SRCAP: variants seen among roughly 807,000 people sequenced by gnomAD.
SRCAP encodes chromatin remodeling protein SRCAP.
A neutral mutation model predicts 263.1 loss-of-function variants in SRCAP; 46 were observed. The ratio of observed to expected loss-of-function variants is 0.17; its 90% CI spans 0.14 to 0.22. SRCAP has a LOEUF of 0.22. Ranked by LOEUF, SRCAP falls within the 10% of genes least tolerant of loss-of-function variation. The pLI is 1.00. For synonymous variants in SRCAP, 1,813 were observed against 1,662.1 expected (o/e 1.09, Z -2.21); for missense variants, 3,695 against 4,181.9 (o/e 0.88, Z 3.21).
In SRCAP at chr16:30,721,273, C is replaced by T; in HGVS notation, c.3338C>T (p.Pro1113Leu). Residue 1113 changes from proline (P) to leucine (L), a missense_variant, in exon 21 of 34, where the codon CCA (proline) becomes CTA (leucine). By Grantham distance (98) the Pro-to-Leu change is moderately conservative (BLOSUM62 -3). Coordinates refer to ENST00000262518, the MANE Select transcript of SRCAP (RefSeq NM_006662.3). ...TLSLKPTPPA[P>L]VRLSPAPPPG... ...TCCCTAAAGCCAACACCACCTGCCC[C>T]AGTTCGCCTGAGCCCAGCCCCACCT... The T allele has an allele frequency of 6.2e-7, 1 of 1,614,198 alleles. No homozygotes were observed. Among genetic ancestry groups the T allele is most frequent in the Non-Finnish European group, 8.5e-7 (1 of 1,180,032 alleles).
Position 30,723,605 on chromosome 16 carries a change from C to T in SRCAP, c.4181C>T (p.Pro1394Leu), listed in dbSNP as rs1189596955. 1.9e-6 allele frequency: 3 copies of T among 1,613,416 alleles called. No individual in the cohort carries two copies. The highest frequency in any genetic ancestry group is 1.3e-5 in the African/African-American group (1 of 74,844). Residue 1394 changes from proline (P) to leucine (L), a missense_variant, in exon 25 of 34, where the codon CCC (proline) becomes CTC (leucine). Physicochemically the swap from Pro to Leu is moderately conservative, Grantham distance 98 (BLOSUM62 -3). Around this residue, in one of 12 missense-constraint regions of SRCAP, gnomAD observed 1,347 missense variants for 1,304.4 expected, o/e 1.03. Coordinates refer to ENST00000262518, the MANE Select transcript of SRCAP (RefSeq NM_006662.3). The stretch of plus-strand genomic sequence containing the variant: ...ACAGCTTCAGCCCCCGGAGCTGCCC[C>T]CTTGACCATCTCTTCTCCTCTCCAC... ...EVSASAPGAA[P>L]LTISSPLHVP...
intron 18 of SRCAP, among the ~76,000 whole-genome samples, chr16:30,716,701 G>A (rs2052954637): frequency 6.6e-6 from 1 of 152,092 alleles, no homozygotes; most frequent in Non-Finnish European, 1.5e-5. Context: ...CGTAAATTGA[G>A]GAGCATCTGG....
chr16:30,722,224 A>G lies in SRCAP; in HGVS notation c.3644A>G (p.Lys1215Arg). The change falls in exon 22 of 34, where the codon AAG becomes AGG. Residue 1215 changes from lysine (K) to arginine (R), a missense_variant. Lys to Arg is a conservative substitution (Grantham distance 26). Around this residue, in one of 12 missense-constraint regions of SRCAP, gnomAD observed 1,347 missense variants for 1,304.4 expected, o/e 1.03. Coordinates refer to ENST00000262518, the MANE Select transcript of SRCAP (RefSeq NM_006662.3). ...CTCACCTTCCAAATCCAGGGCAACA[A>G]GCTGACTTTGACTGGTGCCCAGGTG... is the stretch of plus-strand genomic sequence containing the variant. The part of the protein sequence containing the change: ...KPLTFQIQGN[K>R]LTLTGAQVRQ... 4 of 1,614,228 alleles carry G rather than the reference A, an allele frequency of 2.5e-6. No homozygotes were observed. The Middle Eastern group carries it at 5.0e-4, about 200-fold the overall frequency.
intron 19 of SRCAP, 48 bp downstream of exon 19, chr16:30,720,379 A>C: frequency 6.3e-7 from 1 of 1,584,140 alleles, no homozygotes; most frequent in Admixed American, 1.7e-5. Context: ...TAAGTGGCTG[A>C]AAGCTGCCCA....
chr16:30,713,493 C>T (rs2052913669), intron 15 of SRCAP, 26 bp from the exon 16 acceptor site: 1 of 1,613,386 alleles, frequency 6.2e-7, no homozygotes, highest in South Asian at 1.1e-5. Context: ...ACCATACTCT[C>T]TCTGATTCTC....
chr16:30,704,025 C>T (rs772677313), intron 3 of SRCAP, 39 bp from the exon 4 acceptor site: 27 of 1,586,294 alleles, frequency 1.7e-5, no homozygotes, highest in African/African-American at 1.1e-4. Flanking sequence ...CAGCACAGTG[C>T]GAAGCATTTA....
intron 21 of SRCAP, among the ~76,000 whole-genome samples, chr16:30,721,780 G>A (rs1017986626): frequency 6.6e-6 from 1 of 152,252 alleles, no homozygotes; most frequent in African/African-American, 2.4e-5. Flanking sequence ...AATTGACATA[G>A]GGAGATGACA....
At position 30,738,017 on chromosome 16, in the gene SRCAP, A is replaced by G; in HGVS notation, c.7977A>G (p.Ala2659=). 6.2e-7 allele frequency: 1 copy of G among 1,614,116 alleles called. No individual in the cohort carries two copies. Among genetic ancestry groups the G allele is most frequent in the Non-Finnish European group, 8.5e-7 (1 of 1,180,032 alleles). ...SNGLELPPSA[A]SDEPLQEPLE... is the part of the protein sequence containing the mutation. ...GCCTGGAGCTCCCACCCTCAGCAGCATCTGATGAGCCACTTCAGGAGCCAC... is the reference window on the plus strand; with the variant it reads ...GCCTGGAGCTCCCACCCTCAGCAGCGTCTGATGAGCCACTTCAGGAGCCAC... Residue 2659 remains alanine, a synonymous_variant, in exon 34 of 34, where the codon GCA becomes GCG. Transcript: ENST00000262518.
In SRCAP at chr16:30,722,279, G is replaced by A. The variant is rs34734612; in HGVS notation, c.3699G>A (p.Pro1233=). 1.5e-3 allele frequency: 2,403 copies of A among 1,613,084 alleles called. 26 individuals are homozygous for A. In the African/African-American group the frequency reaches 0.027, roughly 18 times the overall value. Residue 1233 remains proline, a synonymous_variant, in exon 22 of 34, where the codon CCG becomes CCA. Transcript: ENST00000262518. ...VRQLAVGQPR[P]LQRNVVHLVS... ...AGCTTGCTGTGGGGCAGCCCCGCCC[G>A]CTGCAAAGTAGGTAAAACCCACCCC... is the stretch of plus-strand genomic sequence containing the variant.
intron 13 of SRCAP, 91 bp from the exon 14 acceptor site, chr16:30,712,588 G>C: frequency 6.4e-7 from 1 of 1,570,702 alleles, no homozygotes; most frequent in Non-Finnish European, 8.7e-7. Flanking sequence ...GGATTCCTAG[G>C]AAGGGCCAAA....
intron 25 of SRCAP, among the ~76,000 whole-genome samples, chr16:30,727,532 T>C (rs1248628310): frequency 6.6e-6 from 1 of 151,598 alleles, no homozygotes; most frequent in Admixed American, 6.6e-5. Context: ...GACTGTAGGC[T>C]TGTGCCACCA....
chr16:30,703,769 C>T (rs1016201061), intron 3 of SRCAP, among the ~76,000 whole-genome samples: 2 of 151,186 alleles, frequency 1.3e-5, no homozygotes, highest in Non-Finnish European at 3.0e-5. Context: ...TAGTGGCGGG[C>T]GCCTGTAGTC....
Position 30,736,339 on chromosome 16 carries a change from CTGAGGATGAGGAGA to C in SRCAP, c.6872_6885del (p.Glu2291ValfsTer4). 6.2e-7 allele frequency: 1 copy of C among 1,614,054 alleles called. No individual in the cohort carries two copies. Among genetic ancestry groups the C allele is most frequent in the Non-Finnish European group, 8.5e-7 (1 of 1,180,004 alleles). On this transcript the variant is annotated frameshift_variant, in exon 32 of 34. Transcript: ENST00000262518. The stretch of plus-strand genomic sequence containing the variant: ...GGAGAGGAAGCTGGCCGGCCTGGGG[CTGAGGATGAGGAGA>C]TGTCCCGGGCTGAGCAGGAAATTGC...
At position 30,724,430 on chromosome 16, in the gene SRCAP, C is replaced by T. The variant is rs189892751; in HGVS notation, c.5006C>T (p.Pro1669Leu). 694 of 1,614,224 alleles carry T rather than the reference C, an allele frequency of 4.3e-4. 4 individuals carry two copies. In the East Asian group the frequency reaches 0.012, roughly 28 times the overall value. The change falls in exon 25 of 34, where the codon CCG (proline) becomes CTG (leucine). Residue 1669 changes from proline to leucine, a missense_variant. Physicochemically the swap from Pro to Leu is moderately conservative, Grantham distance 98. Around this residue, in one of 12 missense-constraint regions of SRCAP, gnomAD observed 1,347 missense variants for 1,304.4 expected, o/e 1.03. Coordinates refer to ENST00000262518, the MANE Select transcript of SRCAP (RefSeq NM_006662.3). ...CAAACTATGCTACCAGCCCCGGTTC[C>T]GTCACCTCTCCCGAGCCCGGCTTCT... ...STQTMLPAPV[P>L]SPLPSPASTQ... is the part of the protein sequence containing the mutation.
chr16:30,712,823 G>T lies in SRCAP; in HGVS notation c.2130+8G>T, dbSNP rs1377098236. 2.5e-6 allele frequency: 4 copies of T among 1,613,936 alleles called. No individual in the cohort carries two copies. In the Admixed American group the frequency reaches 6.7e-5, roughly 27 times the overall value. On this transcript the variant is annotated splice_region_variant and intron_variant, in intron 14 of 33. Transcript: ENST00000262518. ...AGGAAGCTCAAGCGGCAGGTTCGAT[G>T]TTTCATGTGGTCACTTTCCTCCCAT...
At chr16:30,701,176 C>T (rs2052762046) in intron 3 of SRCAP, among the ~76,000 whole-genome samples, 1 of 152,138 alleles carries the variant, frequency 6.6e-6, no homozygotes, top group Non-Finnish European at 1.5e-5. Context: ...AATAGTTTAA[C>T]TTCTATCAGT....
intron 9 of SRCAP, 49 bp from the exon 10 acceptor site, chr16:30,710,950 G>T (rs756493408): frequency 6.3e-7 from 1 of 1,598,620 alleles, no homozygotes; most frequent in South Asian, 1.1e-5. Context: ...ACTGTGTCCT[G>T]TGCCTCTAGC....
intron 21 of SRCAP, 140 bp from the exon 22 acceptor site, chr16:30,721,982 T>C: frequency 9.4e-7 from 1 of 1,066,264 alleles, no homozygotes; most frequent in South Asian, 1.7e-5. Flanking sequence ...GGAGGCTGAG[T>C]TTATTGGGAC....
Position 30,724,345 on chromosome 16 carries a change from T to C in SRCAP, c.4921T>C (p.Ser1641Pro), listed in dbSNP as rs2053041539. 6.2e-7 allele frequency: 1 copy of C among 1,614,012 alleles called. No homozygotes were observed. The highest frequency in any genetic ancestry group is 1.1e-5 in the South Asian group (1 of 91,090). Residue 1641 changes from serine (S) to proline (P), a missense_variant, in exon 25 of 34, where the codon TCT becomes CCT. Around this residue, in one of 12 missense-constraint regions of SRCAP, gnomAD observed 1,347 missense variants for 1,304.4 expected, o/e 1.03. Coordinates refer to ENST00000262518, the MANE Select transcript of SRCAP (RefSeq NM_006662.3). ...GGCTCCATCGTCTACTCCAGGAACC[T>C]CTTTAGCCTCAGCTTCACCGGTACC... ...VMAPSSTPGT[S>P]LASASPVPAP...
Sources: gnomAD v4.1 joint callset for allele counts (sites outside exome capture counted in the v4.1 genomes callset) on GRCh38, gnomAD v4.1.1 for gene constraint, gnomAD v4.1.1 regional missense constraint, MANE v1.5 for transcripts, NCBI Gene and HGNC (gene_info 2026-07-23, HGNC 2026-07-21) for gene names.